The following ATXN2 variants were observed in gnomAD, a reference collection of about 807,000 sequenced individuals.
ATXN2 encodes the protein ataxin 2, also known as ataxin-2.
A neutral mutation model predicts 138.6 loss-of-function variants in ATXN2; 37 were observed. The ratio of observed to expected loss-of-function variants is 0.27; its 90% confidence interval spans 0.21 to 0.35. The LOEUF (loss-of-function observed/expected upper bound fraction) is 0.35. Ranked by LOEUF, ATXN2 falls within the 10% of genes least tolerant of loss-of-function variation. ATXN2 has a pLI of 1.00. For missense variants in ATXN2, 1,216 were observed against 1,480.3 expected, an observed-to-expected ratio of 0.82 and a Z score of 2.93; for synonymous variants, 549 against 543.7, an observed-to-expected ratio of 1.01 and a Z score of -0.13.
intron 3 of ATXN2, 42 bp from the exon 4 acceptor site, chr12:111,553,019 C>G: frequency 7.7e-7 from 1 of 1,295,532 alleles, no homozygotes; most frequent in Non-Finnish European, 1.1e-6. Context: ...CAGTATACTA[C>G]CCGGTCACCA....
At chr12:111,560,876 G>A (rs1328647250) in intron 1 of ATXN2, among the ~76,000 whole-genome samples, 2 of 152,062 alleles carry the variant, frequency 1.3e-5, no homozygotes, top group African/African-American at 4.8e-5. Flanking sequence ...TTTCAAAAGT[G>A]GTCACTATAA....
chr12:111,599,324 G>A (rs1435423211), upstream of ATXN2: 8 of 1,175,700 alleles, frequency 6.8e-6, no homozygotes, highest in South Asian at 2.1e-4. Context: ...CTGCCGGGAG[G>A]GAGGGGGGCC....
intron 20 of ATXN2, chr12:111,469,906 C>A (rs1876284986): frequency 1.9e-6 from 1 of 535,990 alleles, no homozygotes. Flanking sequence ...GGAAAGAGAT[C>A]TGAAGACCAG....
chr12:111,508,373 C>T (rs1275287624), intron 14 of ATXN2, among the ~76,000 whole-genome samples: 4 of 150,490 alleles, frequency 2.7e-5, no homozygotes, highest in African/African-American at 9.8e-5. Context: ...GGGTAGTGGG[C>T]ACATGATCAT....
At position 111,552,882 on chromosome 12, in the gene ATXN2, A is replaced by G. The variant is rs765588329; in HGVS notation, c.420+24T>C. 2 of 1,464,070 alleles carry G rather than the reference A, an allele frequency of 1.4e-6. No homozygotes were observed. Among genetic ancestry groups the G allele is most frequent in the Non-Finnish European group, 1.9e-6 (2 of 1,080,692 alleles). The allele number at this position is 1,464,070 out of a possible 1,614,324, so 90.7% of individuals were successfully genotyped here. ...TGAAAATGTTCTTTTACTTTGTAAG[A>G]AAAAGAAAAAAAGTAAAAATTACCT... On this transcript the variant is annotated intron_variant, in intron 4 of 24. Transcript: ENST00000673436. The surrounding 1 kb of genome is among the most constrained non-coding windows in gnomAD (Gnocchi z 4.1).
At chr12:111,555,627 T>C (rs1040582307) in intron 2 of ATXN2, among the ~76,000 whole-genome samples, 1 of 152,188 alleles carries the variant, frequency 6.6e-6, no homozygotes, top group African/African-American at 2.4e-5. Flanking sequence ...CAATTAAACC[T>C]CTTTCCTTTA....
At chr12:111,570,008 T>C (rs1883225147) in intron 1 of ATXN2, among the ~76,000 whole-genome samples, 1 of 152,182 alleles carries the variant, frequency 6.6e-6, no homozygotes, top group South Asian at 2.1e-4. Context: ...GAAATACGAT[T>C]AGTATGGCTG....
intron 18 of ATXN2, among the ~76,000 whole-genome samples, chr12:111,481,237 G>A (rs1350989994): frequency 6.6e-6 from 1 of 152,168 alleles, no homozygotes; most frequent in Non-Finnish European, 1.5e-5. Flanking sequence ...TTGAGCTCAG[G>A]AATTCGAGAC....
chr12:111,548,009 A>G (rs1881917851), intron 5 of ATXN2, among the ~76,000 whole-genome samples: 1 of 151,968 alleles, frequency 6.6e-6, no homozygotes, highest in Non-Finnish European at 1.5e-5. Flanking sequence ...CCTGGCCAAC[A>G]TGGTAAAACC....
intron 14 of ATXN2, among the ~76,000 whole-genome samples, chr12:111,507,049 C>T (rs1879176055): frequency 6.6e-6 from 1 of 152,188 alleles, no homozygotes; most frequent in African/African-American, 2.4e-5. Context: ...CTTGGCCTCC[C>T]AAAGTGCCGA....
At chr12:111,599,345 G>C (rs1390837161), upstream of ATXN2, 13 of 1,158,652 alleles carry the variant, frequency 1.1e-5, no homozygotes, top group Admixed American at 9.4e-5. Context: ...GGGGCCGGGC[G>C]GGGGAGGGGC....
In ATXN2 at chr12:111,598,996, C is replaced by CTGCTGCTGT. The variant is rs975199289; in HGVS notation, c.38_39insACAGCAGCA (p.Gln26_Gln28dup). 1 of 930,714 alleles carries CTGCTGCTGT rather than the reference C, an allele frequency of 1.1e-6. No individual in the cohort carries two copies. The highest frequency in any genetic ancestry group is 1.5e-6 in the Non-Finnish European group (1 of 689,070). The allele number at this position is 930,714 out of a possible 1,614,324, so 57.7% of individuals were successfully genotyped here. The stretch of plus-strand genomic sequence containing the variant: ...GCTGCTGTTGCTGCTGCTGCTGCTG[C>CTGCTGCTGT]TGCTGCTGCTGCTGCTGCTGCTGGG... On this transcript the variant is annotated inframe_insertion, in exon 1 of 25. Transcript: ENST00000673436. The surrounding 1 kb of genome is among the most constrained non-coding windows in gnomAD (Gnocchi z 4.5).
At chr12:111,501,890 G>T (rs1030681932) in intron 14 of ATXN2, among the ~76,000 whole-genome samples, 1 of 148,186 alleles carries the variant, frequency 6.7e-6, no homozygotes. Context: ...CTATGGGTTG[G>T]ACACTTTTTT....
chr12:111,552,803 C>T lies in ATXN2; in HGVS notation c.420+103G>A, dbSNP rs1439812260. The T allele has an allele frequency of 1.3e-6, 1 of 744,334 alleles. No individual in the cohort carries two copies. The highest frequency in any genetic ancestry group is 3.0e-5 in the East Asian group (1 of 33,610). The allele number at this position is 744,334 out of a possible 1,614,324, so 46.1% of individuals were successfully genotyped here. On this transcript the variant is annotated intron_variant, in intron 4 of 24. Transcript: ENST00000673436. This position sits in a 1 kb window ranked among gnomAD's most constrained non-coding sequence, Gnocchi z 4.1. ...TCTATAAAATAATCAGTATTTGAAA[C>T]TGAGAAGTAAAATCATTCAAAGTGG...
At position 111,483,452 on chromosome 12, in the gene ATXN2, C is replaced by CTTT. The variant is rs927752030; in HGVS notation, c.2524+1810_2524+1812dup. On this transcript the variant is annotated intron_variant, in intron 18 of 24. Coordinates refer to ENST00000673436, the MANE Select transcript of ATXN2 (RefSeq NM_001372574.1). The stretch of plus-strand genomic sequence containing the variant: ...AGCATTTTCCAACATTAAAAGAACT[C>CTTT]TTTTTTTTTTTTTTTTTTTTTGGAC... 4.8e-3 allele frequency among the ~76,000 whole-genome samples: 517 copies of CTTT among 107,180 alleles called. 3 individuals are homozygous for CTTT. Among genetic ancestry groups the CTTT allele is most frequent in the Middle Eastern group, 7.2e-3 (1 of 138 alleles). The allele number at this position is 107,180 out of a possible 152,430, so 70.3% of individuals were successfully genotyped here. A position where few individuals can be genotyped will look rare whatever the true frequency, so the allele number is the denominator to read the frequency against.
At chr12:111,467,537 C>T (rs539482868) in intron 20 of ATXN2, among the ~76,000 whole-genome samples, 89 of 152,124 alleles carry the variant, frequency 5.9e-4, no homozygotes, top group African/African-American at 2.0e-3. Flanking sequence ...CACAGCCTTG[C>T]TCCTAGCCTG....
At chr12:111,465,479 A>T (rs929228293) in intron 20 of ATXN2, among the ~76,000 whole-genome samples, 1 of 152,090 alleles carries the variant, frequency 6.6e-6, no homozygotes, top group African/African-American at 2.4e-5. Flanking sequence ...GGATTAGAAG[A>T]GTAGATGTGA....
Position 111,453,798 on chromosome 12 carries a change from C to T in ATXN2, c.3318G>A (p.Ala1106=), listed in dbSNP as rs905379933. 1.9e-6 allele frequency: 3 copies of T among 1,613,960 alleles called. No individual in the cohort carries two copies. Among genetic ancestry groups the T allele is most frequent in the East Asian group, 2.2e-5 (1 of 44,862 alleles). Residue 1106 remains alanine, a synonymous_variant, in exon 24 of 25, where the codon GCG becomes GCA. Coordinates refer to ENST00000673436, the MANE Select transcript of ATXN2 (RefSeq NM_001372574.1). This position sits in a 1 kb window ranked among gnomAD's most constrained non-coding sequence, Gnocchi z 5.4. The stretch of plus-strand genomic sequence containing the variant: ...GCTGTGTCGTCATTAGCATCATTGG[C>T]GCATGGGCAGTTGGATGAGAAGGAA... ...GMVPSHPTAH[A]PMMLMTTQPP... is the part of the protein sequence containing the mutation.
intron 1 of ATXN2, among the ~76,000 whole-genome samples, chr12:111,596,205 A>AACACACACACACACAC (rs35316415): frequency 7.1e-6 from 1 of 141,750 alleles, no homozygotes. Flanking sequence ...TTCCATCCAA[A>AACACACACACACACAC]ACACACACAC....
Sources: gnomAD v4.1 joint callset for allele counts (sites outside exome capture counted in the v4.1 genomes callset) on GRCh38, gnomAD v4.1.1 for gene constraint, Gnocchi (gnomAD v3.1) non-coding constraint, MANE v1.5 for transcripts, NCBI Gene and HGNC (gene_info 2026-07-23, HGNC 2026-07-21) for gene names.